SLCO1B1: variants seen among roughly 807,000 people sequenced by gnomAD.
SLCO1B1 encodes solute carrier organic anion transporter family member 1B1, also known as OATP-2.
Under a neutral mutation model 70.1 loss-of-function variants are expected in SLCO1B1, and 81 were observed. The observed-to-expected ratio is 1.16, with a 90% CI of 0.97 to 1.39. The LOEUF is 1.39. Among genes scored for constraint, SLCO1B1 ranks in the 40% most tolerant of loss-of-function variants. SLCO1B1 has a pLI of 0.00. For synonymous variants in SLCO1B1, 283 were observed against 271.5 expected (o/e 1.04, Z -0.42); for missense variants, 895 against 799.6 (o/e 1.12, Z -1.44).
chr12:21,203,205 T>A (rs1941177653), intron 10 of SLCO1B1, among the ~76,000 whole-genome samples: 1 of 152,078 alleles, frequency 6.6e-6, no homozygotes, highest in South Asian at 2.1e-4. Context: ...TTGTACTGAA[T>A]TTTCTTTTTT....
intron 11 of SLCO1B1, among the ~76,000 whole-genome samples, chr12:21,210,692 G>A (rs1217039824): frequency 6.7e-6 from 1 of 148,764 alleles, no homozygotes; most frequent in South Asian, 2.1e-4. Flanking sequence ...CTACCCATGA[G>A]CATGGAATGT....
chr12:21,181,405 A>G (rs931215274), intron 7 of SLCO1B1, among the ~76,000 whole-genome samples: 8 of 152,222 alleles, frequency 5.3e-5, no homozygotes, highest in Non-Finnish European at 1.5e-5. Context: ...AGATGGAGTC[A>G]CTGATTTAAC....
At chr12:21,136,442 C>A (rs1225504345) in intron 1 of SLCO1B1, among the ~76,000 whole-genome samples, 13 of 151,936 alleles carry the variant, frequency 8.6e-5, no homozygotes, top group African/African-American at 2.4e-4. Flanking sequence ...ACTTGGTTCC[C>A]TTCTCCCCAT....
chr12:21,172,877 A>T, intron 3 of SLCO1B1, 86 bp downstream of exon 3: 1 of 1,279,746 alleles, frequency 7.8e-7, no homozygotes, highest in Non-Finnish European at 1.1e-6. Flanking sequence ...AACTGGGGTA[A>T]ATTTATCTCT....
intron 1 of SLCO1B1, among the ~76,000 whole-genome samples, chr12:21,140,275 C>G (rs889389220): frequency 2.0e-5 from 3 of 151,958 alleles, no homozygotes; most frequent in Non-Finnish European, 2.9e-5. Flanking sequence ...TATTAAAAAT[C>G]ATGTATCTAT....
At chr12:21,190,383 T>C (rs1416086876) in intron 7 of SLCO1B1, among the ~76,000 whole-genome samples, 1 of 151,680 alleles carries the variant, frequency 6.6e-6, no homozygotes, top group Non-Finnish European at 1.5e-5. Flanking sequence ...CCCTAGCCAC[T>C]CTTTCACCAC....
intron 2 of SLCO1B1, among the ~76,000 whole-genome samples, chr12:21,148,695 C>CTTTTTTTT (rs71043249): frequency 2.0e-5 from 2 of 100,186 alleles, no homozygotes; most frequent in African/African-American, 3.8e-5. Context: ...GCTATATGGG[C>CTTTTTTTT]TTTTTTTTTT....
intron 7 of SLCO1B1, among the ~76,000 whole-genome samples, chr12:21,191,609 T>A (rs10770792): frequency 0.37 from 56,553 of 151,946 alleles, 12,781 homozygotes; most frequent in Non-Finnish European, 0.5. Context: ...TTCTTTCAAG[T>A]TTGAATGTCT....
chr12:21,217,025 A>G (rs1415165434), intron 11 of SLCO1B1, 94 bp from the exon 12 acceptor site: 1 of 916,366 alleles, frequency 1.1e-6, no homozygotes, highest in Middle Eastern at 3.3e-4. Context: ...ATTAGTTTGA[A>G]CAAGTGAGAC....
chr12:21,138,115 C>G (rs988544049), intron 1 of SLCO1B1, among the ~76,000 whole-genome samples: 2 of 152,194 alleles, frequency 1.3e-5, no homozygotes, highest in African/African-American at 4.8e-5. Flanking sequence ...GGGATTGTCT[C>G]TCCTATAAAA....
At chr12:21,162,855 T>C (rs2121080913) in intron 2 of SLCO1B1, among the ~76,000 whole-genome samples, 1 of 152,290 alleles carries the variant, frequency 6.6e-6, no homozygotes, top group African/African-American at 2.4e-5. Context: ...AAATAGTAGG[T>C]TCCACATGAT....
At chr12:21,143,490 A>G (rs543932937) in intron 2 of SLCO1B1, among the ~76,000 whole-genome samples, 3 of 152,094 alleles carry the variant, frequency 2.0e-5, no homozygotes, top group Non-Finnish European at 2.9e-5. Context: ...AGCATTTACT[A>G]TATGCCAGAC....
chr12:21,171,451 T>C (rs919384434), intron 2 of SLCO1B1, among the ~76,000 whole-genome samples: 2 of 152,162 alleles, frequency 1.3e-5, no homozygotes, highest in Non-Finnish European at 2.9e-5. Context: ...TTGATATGAC[T>C]ATAAGTTACA....
Position 21,210,417 on chromosome 12 carries a change from A to T in SLCO1B1, c.1497+4384A>T, listed in dbSNP as rs545263762. On this transcript the variant is annotated intron_variant, in intron 11 of 14. Transcript: ENST00000256958. ...GGGCTCTGTTCTGTTCCATTGATCTATATCTCTGTTTTGGTACCAGTACCA... is the reference window on the plus strand; with the variant it reads ...GGGCTCTGTTCTGTTCCATTGATCTTTATCTCTGTTTTGGTACCAGTACCA... Among the ~76,000 whole-genome samples the T allele has an allele frequency of 2.8e-4, 32 of 113,816 alleles. 2 individuals carry two copies. The highest frequency in any genetic ancestry group is 3.6e-4 in the Non-Finnish European group (20 of 55,174). The allele number at this position is 113,816 out of a possible 152,430, so 74.7% of individuals were successfully genotyped here.
chr12:21,184,756 G>C (rs1041365271), intron 7 of SLCO1B1, among the ~76,000 whole-genome samples: 1 of 151,994 alleles, frequency 6.6e-6, no homozygotes, highest in Non-Finnish European at 1.5e-5. Flanking sequence ...AAAATCTCAC[G>C]TATCAATAAT....
chr12:21,134,674 G>A (rs541599678), intron 1 of SLCO1B1, among the ~76,000 whole-genome samples: 1 of 152,114 alleles, frequency 6.6e-6, no homozygotes, highest in Non-Finnish European at 1.5e-5. Context: ...GGGATCGGTG[G>A]TTATATCCTC....
chr12:21,234,138 G>A (rs561856779), intron 14 of SLCO1B1, among the ~76,000 whole-genome samples: 2 of 152,200 alleles, frequency 1.3e-5, no homozygotes, highest in East Asian at 3.9e-4. Flanking sequence ...GTGGGTAGGG[G>A]GGCCAGTGAG....
At chr12:21,137,304 C>T (rs559078527) in intron 1 of SLCO1B1, among the ~76,000 whole-genome samples, 111 of 152,276 alleles carry the variant, frequency 7.3e-4, no homozygotes, top group Non-Finnish European at 1.5e-3. Flanking sequence ...AGGCAGTCTG[C>T]CTGTTCTCAG....
At chr12:21,152,440 A>G (rs1015641500) in intron 2 of SLCO1B1, among the ~76,000 whole-genome samples, 2 of 149,172 alleles carry the variant, frequency 1.3e-5, no homozygotes, top group African/African-American at 2.5e-5. Context: ...CTGGTAATAT[A>G]TTCTGGATAT....
Sources: gnomAD v4.1 joint callset for allele counts (sites outside exome capture counted in the v4.1 genomes callset) on GRCh38, gnomAD v4.1.1 for gene constraint, MANE v1.5 for transcripts, NCBI Gene and HGNC (gene_info 2026-07-23, HGNC 2026-07-21) for gene names.